POLE: variants seen among roughly 807,000 people sequenced by gnomAD.
The protein encoded by POLE is DNA polymerase epsilon catalytic subunit A.
In POLE, 188 loss-of-function variants were observed where a neutral mutation model predicts 279.2. The observed-to-expected ratio is 0.67, with a 90% CI of 0.60 to 0.76. The LOEUF (loss-of-function observed/expected upper bound fraction) is 0.76, where lower values mean the gene tolerates loss of function less well. POLE is among the 30% of genes least tolerant of loss of function. The probability of loss-of-function intolerance (pLI) is 0.00; values close to 1 mark genes in which losing one functional copy is unlikely to be tolerated. For missense variants in POLE, 2,703 were observed against 3,016.7 expected (o/e 0.90, Z 2.44); for synonymous variants, 1,214 against 1,172.5 (o/e 1.04, Z -0.72).
intron 26 of POLE, 191 bp from the exon 27 acceptor site, chr12:132,658,161 T>C (rs921887599): frequency 3.7e-6 from 2 of 543,322 alleles, no homozygotes; most frequent in Non-Finnish European, 6.7e-6. Flanking sequence ...CGTGCGTATG[T>C]GTAAACACGT....
intron 29 of POLE, among the ~76,000 whole-genome samples, chr12:132,654,225 T>C (rs2042484673): frequency 6.6e-6 from 1 of 152,148 alleles, no homozygotes; most frequent in African/African-American, 2.4e-5. Context: ...TACACTTATT[T>C]TTTTTCGTCT....
At chr12:132,672,414 G>A in intron 15 of POLE, 92 bp from the exon 16 acceptor site, 8 of 1,215,942 alleles carry the variant, frequency 6.6e-6, no homozygotes, top group East Asian at 2.3e-5. Flanking sequence ...GTGGCAGGTT[G>A]TGCCCGAGAA....
intron 35 of POLE, 30 bp from the exon 36 acceptor site, chr12:132,643,026 C>A (rs925331744): frequency 6.4e-7 from 1 of 1,563,918 alleles, no homozygotes; most frequent in East Asian, 2.3e-5. Flanking sequence ...GTCAGCCTCC[C>A]CCTGCGCAGG....
chr12:132,674,874 C>T (rs535177492), intron 12 of POLE, among the ~76,000 whole-genome samples: 1 of 147,242 alleles, frequency 6.8e-6, no homozygotes, highest in Admixed American at 6.7e-5. Flanking sequence ...CTTCCCTTCC[C>T]TCCTTTCCTC....
intron 16 of POLE, among the ~76,000 whole-genome samples, chr12:132,670,347 G>T (rs2042896482): frequency 1.3e-5 from 2 of 151,374 alleles, no homozygotes; most frequent in South Asian, 4.3e-4. Context: ...TTGCACTCCA[G>T]CCTGGGCAAC....
rs5744817 is a variant in POLE at position 132,665,997 on chromosome 12, A to G, written c.2320-547T>C. On this transcript the variant is annotated intron_variant, in intron 20 of 48. Coordinates refer to ENST00000320574, the MANE Select transcript of POLE (RefSeq NM_006231.4). ...AAGTAATTTAGCAGTTGCTTAATTA[A>G]AATAAAGTGAGATAGTAAGGCAGCT... Among the ~76,000 whole-genome samples the G allele has an allele frequency of 8.6e-3, 1,313 of 152,326 alleles. 22 individuals are homozygous for G. Among genetic ancestry groups the G allele is most frequent in the African/African-American group, 0.03 (1,250 of 41,572 alleles).
intron 1 of POLE, among the ~76,000 whole-genome samples, chr12:132,683,439 A>G (rs1358578788): frequency 6.6e-6 from 1 of 152,206 alleles, no homozygotes; most frequent in Admixed American, 6.5e-5. Context: ...AGACACTTTC[A>G]TATTACGACT....
In POLE at chr12:132,661,682, T is replaced by C. The variant is rs1555226065; in HGVS notation, c.2709A>G (p.Glu903=). ...PGAMLNIMVK[E]GFTNDQYQEL... ...CCTGGTACTGGTCATTGGTGAAGCC[T>C]TCCTGAGAAACAAGAGTGAAGAGGG... Residue 903 remains glutamate, a splice_region_variant and synonymous_variant, in exon 24 of 49, where the codon GAA becomes GAG. Transcript: ENST00000320574. The surrounding 1 kb of genome is among the most constrained non-coding windows in gnomAD (Gnocchi z 4.1). 1.2e-6 allele frequency: 2 copies of C among 1,613,546 alleles called. No individual in the cohort carries two copies. The highest frequency in any genetic ancestry group is 1.7e-4 in the Middle Eastern group (1 of 6,048).
chr12:132,641,442 A>G (rs2042138517), intron 39 of POLE: 1 of 594,758 alleles, frequency 1.7e-6, no homozygotes, highest in African/African-American at 1.9e-5. Flanking sequence ...GAGGCAGCAC[A>G]CTGAACAGTC....
At chr12:132,629,828 C>T (rs891148342) in intron 45 of POLE, among the ~76,000 whole-genome samples, 1 of 152,240 alleles carries the variant, frequency 6.6e-6, no homozygotes, top group Non-Finnish European at 1.5e-5. Context: ...AGAGGCCTAG[C>T]TTTCAGCCTG....
intron 32 of POLE, among the ~76,000 whole-genome samples, chr12:132,646,475 T>C (rs907091018): frequency 6.6e-6 from 1 of 151,612 alleles, no homozygotes; most frequent in African/African-American, 2.4e-5. Context: ...TGAAGTAATG[T>C]ATAGCAGGTC....
At chr12:132,626,445 T>C (rs898736693) in intron 45 of POLE, 128 bp from the exon 46 acceptor site, 10 of 810,504 alleles carry the variant, frequency 1.2e-5, no homozygotes, top group South Asian at 6.7e-5. Flanking sequence ...TTAGTCCCTT[T>C]AGACGCCTCA....
chr12:132,660,479 G>T (rs551451896), intron 25 of POLE: 1 of 152,790 alleles, frequency 6.5e-6, no homozygotes, highest in South Asian at 2.1e-4. Flanking sequence ...CTCGTTCAAT[G>T]CAACACCATT....
intron 12 of POLE, among the ~76,000 whole-genome samples, chr12:132,674,861 TTCCTTCCCTTCCC>T (rs2043009047): frequency 8.7e-6 from 1 of 114,460 alleles, no homozygotes; most frequent in South Asian, 3.1e-4. Context: ...CTCCCTTCCC[TTCCTTCCCTTCCC>T]TCCTTTCCTC....
intron 29 of POLE, among the ~76,000 whole-genome samples, chr12:132,655,740 A>G (rs2042517845): frequency 6.6e-6 from 1 of 152,222 alleles, no homozygotes; most frequent in Non-Finnish European, 1.5e-5. Context: ...CTTTTGGCCT[A>G]AAGAGTATTT....
rs2138692804 is a variant in POLE at position 132,661,164 on chromosome 12, C to T, written c.2865G>A (p.Arg955=). 1 of 1,573,756 alleles carries T rather than the reference C, an allele frequency of 6.4e-7. No individual in the cohort carries two copies. Among genetic ancestry groups the T allele is most frequent in the Non-Finnish European group, 8.6e-7 (1 of 1,165,756 alleles). The change falls in exon 25 of 49, where the codon AGG becomes AGA. Residue 955 remains arginine, a splice_region_variant and synonymous_variant. Transcript: ENST00000320574. This position sits in a 1 kb window ranked among gnomAD's most constrained non-coding sequence, Gnocchi z 4.1. ...SKEEGKKLKK[R]YAVFNEDGSL... ...AACCGTCTTCATTGAACACAGCATACCTGAAAAAAAAAAAAAAGGCAAGCA... is the reference window on the plus strand; with the variant it reads ...AACCGTCTTCATTGAACACAGCATATCTGAAAAAAAAAAAAAAGGCAAGCA...
At chr12:132,682,304 ATAAAT>A (rs1279022687) in intron 1 of POLE, among the ~76,000 whole-genome samples, 32 of 100,826 alleles carry the variant, frequency 3.2e-4, no homozygotes, top group African/African-American at 4.3e-4. Context: ...AAAAAAAAAA[ATAAAT>A]AAAAATAAAT....
At chr12:132,677,521 C>A (rs2043081332) in intron 7 of POLE, 57 bp downstream of exon 7, 3 of 1,611,410 alleles carry the variant, frequency 1.9e-6, no homozygotes, top group Non-Finnish European at 2.5e-6. Context: ...CCATAATGAT[C>A]ATCTCCTGGC....
chr12:132,638,699 C>A (rs965227755), intron 40 of POLE: 7 of 185,192 alleles, frequency 3.8e-5, no homozygotes, highest in African/African-American at 1.4e-4. Flanking sequence ...CCAGCAATTA[C>A]CCCACGGATC....
Sources: allele counts gnomAD v4.1 joint callset (sites outside exome capture counted in the v4.1 genomes callset), GRCh38; gene constraint gnomAD v4.1.1; non-coding constraint Gnocchi (gnomAD v3.1); transcripts MANE v1.5; gene names NCBI Gene and HGNC (gene_info 2026-07-23, HGNC 2026-07-21).